Variants in MROH9 observed in about 807,000 individuals in gnomAD.
MROH9 encodes maestro heat like repeat family member 9, also known as maestro heat-like repeat-containing protein family member 9.
Under a neutral mutation model 98.2 loss-of-function variants are expected in MROH9, and 92 were observed. That is an observed-to-expected ratio of 0.94 (90% CI 0.79 to 1.11). The LOEUF is 1.11. MROH9 is among the 50% of genes most tolerant of loss of function. MROH9 has a pLI of 0.00. For missense variants in MROH9, 1,057 were observed against 1,014.8 expected, an observed-to-expected ratio of 1.04 and a Z score of -0.57; for synonymous variants, 397 against 368.9, an observed-to-expected ratio of 1.08 and a Z score of -0.87.
Position 171,016,309 on chromosome 1 carries a change from T to C in MROH9, c.1881T>C (p.Gly627=). The C allele has an allele frequency of 6.5e-7, 1 of 1,533,558 alleles. No homozygotes were observed. Among genetic ancestry groups the C allele is most frequent in the East Asian group, 2.5e-5 (1 of 39,808 alleles). The allele number at this position is 1,533,558 out of a possible 1,614,324, so 95.0% of individuals were successfully genotyped here. A position where few individuals can be genotyped will look rare whatever the true frequency, so the allele number is the denominator to read the frequency against. ...KVTYSLGTRI[G]SSYCTLMDHI... ...CCTACTCTTTGGGTACCAGAATTGGTTCCAGCTACTGTACTCTGATGGATC... is the reference window on the plus strand; with the variant it reads ...CCTACTCTTTGGGTACCAGAATTGGCTCCAGCTACTGTACTCTGATGGATC... The change falls in exon 17 of 22, where the codon GGT becomes GGC. Residue 627 remains glycine (G), a synonymous_variant. Transcript: ENST00000367759.
chr1:171,017,815 G>A (rs1652379588), intron 17 of MROH9, among the ~76,000 whole-genome samples: 1 of 152,100 alleles, frequency 6.6e-6, no homozygotes, highest in Non-Finnish European at 1.5e-5. Flanking sequence ...GCTTGACCTG[G>A]ACCCATCCCT....
chr1:170,983,369 G>C lies in MROH9; in HGVS notation c.617-53G>C. On this transcript the variant is annotated intron_variant, in intron 8 of 21. Coordinates refer to ENST00000367759, the MANE Select transcript of MROH9 (RefSeq NM_001163629.2). Reference sequence around the variant, plus strand: ...GAAAATTGGAAATAGTAATGTCATAGAACAAACAAGTGATCAAATAACAAC... The same window carrying C: ...GAAAATTGGAAATAGTAATGTCATACAACAAACAAGTGATCAAATAACAAC... 6.1e-6 allele frequency: 8 copies of C among 1,304,750 alleles called. No individual in the cohort carries two copies. In the South Asian group the frequency reaches 8.7e-5, roughly 14 times the overall value. The allele number at this position is 1,304,750 out of a possible 1,614,324, so 80.8% of individuals were successfully genotyped here.
At chr1:171,025,566 G>T in intron 20 of MROH9, 146 bp downstream of exon 20, 2 of 591,510 alleles carry the variant, frequency 3.4e-6, no homozygotes, top group Non-Finnish European at 6.0e-6. Flanking sequence ...GTTGATACGT[G>T]TGATGAGAAT....
intron 6 of MROH9, among the ~76,000 whole-genome samples, chr1:170,962,762 A>G (rs558154901): frequency 6.6e-6 from 1 of 152,246 alleles, no homozygotes; most frequent in African/African-American, 2.4e-5. Context: ...AATGTTATCC[A>G]CTAGCTAGCC....
intron 20 of MROH9, among the ~76,000 whole-genome samples, chr1:171,027,941 C>G (rs571572531): frequency 6.6e-6 from 1 of 152,136 alleles, no homozygotes; most frequent in South Asian, 2.1e-4. Context: ...GGATATTAGA[C>G]CTTTGTCAGA....
chr1:171,043,373 A>G (rs933086207), intron 20 of MROH9, among the ~76,000 whole-genome samples: 1 of 152,072 alleles, frequency 6.6e-6, no homozygotes, highest in Admixed American at 6.6e-5. Flanking sequence ...TGTTTTGGTT[A>G]TTATAGCTCT....
intron 20 of MROH9, among the ~76,000 whole-genome samples, chr1:171,047,191 C>G (rs1278440920): frequency 6.6e-6 from 1 of 152,028 alleles, no homozygotes; most frequent in Non-Finnish European, 1.5e-5. Flanking sequence ...CCTTTTTGTA[C>G]TTGGATATAG....
At position 171,018,896 on chromosome 1, in the gene MROH9, G is replaced by A. The variant is rs181275097; in HGVS notation, c.1908+2560G>A. ...GAATGAGCAAAACCTCTGAGAAATA[G>A]GGGACAGATCAACAAGACAGCAAAT... On this transcript the variant is annotated intron_variant, in intron 17 of 21. Transcript: ENST00000367759. 3.2e-3 allele frequency among the ~76,000 whole-genome samples: 479 copies of A among 151,432 alleles called. 1 individual carries two copies. Among genetic ancestry groups the A allele is most frequent in the Non-Finnish European group, 5.8e-3 (388 of 67,394 alleles).
chr1:170,965,069 T>G (rs1650177711), intron 6 of MROH9, 82 bp from the exon 7 acceptor site: 2 of 879,954 alleles, frequency 2.3e-6, no homozygotes, highest in Non-Finnish European at 3.6e-6. Flanking sequence ...AAGGCCTGAT[T>G]TGGTGAAGTT....
chr1:170,959,181 C>A (rs1649908366), intron 4 of MROH9, among the ~76,000 whole-genome samples: 1 of 152,042 alleles, frequency 6.6e-6, no homozygotes, highest in African/African-American at 2.4e-5. Context: ...CGAGACCATC[C>A]TAGCTAACAT....
Position 171,016,159 on chromosome 1 carries a change from G to A in MROH9, c.1735-4G>A. On this transcript the variant is annotated splice_polypyrimidine_tract_variant and splice_region_variant and intron_variant, in intron 16 of 21. Coordinates refer to ENST00000367759, the MANE Select transcript of MROH9 (RefSeq NM_001163629.2). Reference sequence around the variant, plus strand: ...ATCCCACCATTTTTTCCTTTTATATGTAGACAGAAAATGTCAGCAGTATAT... The same window carrying A: ...ATCCCACCATTTTTTCCTTTTATATATAGACAGAAAATGTCAGCAGTATAT... 1 of 1,451,198 alleles carries A rather than the reference G, an allele frequency of 6.9e-7. No homozygotes were observed. The highest frequency in any genetic ancestry group is 2.8e-5 in the East Asian group (1 of 36,256). 89.9% of individuals were successfully genotyped at this position (1,451,198 alleles called of 1,614,324 possible). A position where few individuals can be genotyped will look rare whatever the true frequency, so the allele number is the denominator to read the frequency against.
chr1:170,958,382 G>A (rs1649862118), intron 3 of MROH9, 79 bp from the exon 4 acceptor site: 1 of 775,170 alleles, frequency 1.3e-6, no homozygotes, highest in Non-Finnish European at 2.1e-6. Context: ...AAAGGAAGAA[G>A]TGCACATGCT....
rs1649926156 is a variant in MROH9, at chr1:170,959,485, T to C, written c.176T>C (p.Phe59Ser). ...AGCTTTGTGGATCCCTTACTGCAGT[T>C]TGAATCTCAGTTGAAGATAATAGAG... is the stretch of plus-strand genomic sequence containing the variant. ...NSSFVDPLLQ[F>S]ESQLKIIESS... The change falls in exon 5 of 22, where the codon TTT becomes TCT. Residue 59 changes from phenylalanine (F) to serine (S), a missense_variant. Coordinates refer to ENST00000367759, the MANE Select transcript of MROH9 (RefSeq NM_001163629.2). The C allele has an allele frequency of 6.2e-7, 1 of 1,611,576 alleles. No individual in the cohort carries two copies. Among genetic ancestry groups the C allele is most frequent in the Non-Finnish European group, 8.5e-7 (1 of 1,178,966 alleles).
At chr1:171,054,436 A>G (rs1311845793) in intron 20 of MROH9, among the ~76,000 whole-genome samples, 1 of 152,212 alleles carries the variant, frequency 6.6e-6, no homozygotes, top group Non-Finnish European at 1.5e-5. Flanking sequence ...TTCCAGAAAA[A>G]TAGCATCAGA....
At chr1:171,041,398 T>A in intron 20 of MROH9, among the ~76,000 whole-genome samples, 1 of 60,940 alleles carries the variant, frequency 1.6e-5, no homozygotes, top group South Asian at 1.1e-3. Context: ...TATGTATTGG[T>A]CAAGATACAT....
chr1:170,945,748 A>G (rs1019507182), intron 2 of MROH9, among the ~76,000 whole-genome samples, 167 bp downstream of exon 2: 4 of 152,084 alleles, frequency 2.6e-5, no homozygotes, highest in Admixed American at 2.6e-4. Flanking sequence ...AAGTAACCAT[A>G]TATTAGGCTA....
intron 3 of MROH9, among the ~76,000 whole-genome samples, chr1:170,953,583 G>A (rs576059288): frequency 6.6e-6 from 1 of 152,092 alleles, no homozygotes; most frequent in African/African-American, 2.4e-5. Context: ...ATAAAGTCTT[G>A]TAGCATTGGC....
intron 5 of MROH9, among the ~76,000 whole-genome samples, chr1:170,960,930 G>T (rs890700352): frequency 6.6e-6 from 1 of 152,046 alleles, no homozygotes; most frequent in Non-Finnish European, 1.5e-5. Context: ...TGCCTGGCCT[G>T]AATTATATTT....
chr1:170,993,895 TTCTC>T (rs1047798918), intron 12 of MROH9, among the ~76,000 whole-genome samples: 5 of 152,204 alleles, frequency 3.3e-5, no homozygotes, highest in Non-Finnish European at 7.3e-5. Flanking sequence ...TAATGTATTT[TTCTC>T]TCTATTTTAA....
Sources: allele counts gnomAD v4.1 joint callset (sites outside exome capture counted in the v4.1 genomes callset), GRCh38; gene constraint gnomAD v4.1.1; transcripts MANE v1.5; gene names NCBI Gene and HGNC (gene_info 2026-07-23, HGNC 2026-07-21).